The following RAD54B variants were observed in gnomAD, a reference collection of about 807,000 sequenced individuals.
RAD54B encodes the protein DNA repair and recombination protein RAD54B.
A neutral mutation model predicts 95.8 loss-of-function variants in RAD54B; 78 were observed. The observed-to-expected ratio is 0.81, with a 90% CI of 0.68 to 0.98. The LOEUF (loss-of-function observed/expected upper bound fraction) is 0.98. RAD54B is among the 50% of genes least tolerant of loss of function. The pLI is 0.00. For synonymous variants in RAD54B, 328 were observed against 354.9 expected (o/e 0.92, Z 0.85); for missense variants, 957 against 1,056.6 (o/e 0.91, Z 1.31).
intron 1 of RAD54B, among the ~76,000 whole-genome samples, chr8:94,471,787 AG>A (rs1424770789): frequency 6.6e-6 from 1 of 152,038 alleles, no homozygotes; most frequent in Admixed American, 6.5e-5. Context: ...ATCATTAATT[AG>A]ATTTTTTTAA....
intron 3 of RAD54B, among the ~76,000 whole-genome samples, chr8:94,416,773 C>T (rs1252956835): frequency 6.6e-6 from 1 of 151,956 alleles, no homozygotes; most frequent in Non-Finnish European, 1.5e-5. Context: ...ACCCTCATAC[C>T]CTGCTGGTAG....
chr8:94,398,037 T>G (rs901729931), intron 8 of RAD54B, among the ~76,000 whole-genome samples: 21 of 152,132 alleles, frequency 1.4e-4, no homozygotes, highest in Middle Eastern at 3.2e-3. Flanking sequence ...GTATGGTTCC[T>G]ATTTCCCTGA....
At chr8:94,374,477 C>T (rs1288037189) in intron 14 of RAD54B, among the ~76,000 whole-genome samples, 1 of 151,996 alleles carries the variant, frequency 6.6e-6, no homozygotes, top group Middle Eastern at 3.2e-3. Flanking sequence ...TAAATGTTCT[C>T]ACTGAAACAA....
At chr8:94,445,218 G>A (rs1812492049) in intron 3 of RAD54B, among the ~76,000 whole-genome samples, 1 of 151,824 alleles carries the variant, frequency 6.6e-6, no homozygotes, top group South Asian at 2.1e-4. Context: ...AGATCTCTTG[G>A]GCCTATTTTA....
intron 3 of RAD54B, among the ~76,000 whole-genome samples, chr8:94,433,106 C>T (rs1274282802): frequency 6.6e-6 from 1 of 152,086 alleles, no homozygotes; most frequent in East Asian, 1.9e-4. Context: ...ACCATGAAGG[C>T]CCATAACTTA....
Position 94,446,269 on chromosome 8 carries a change from T to C in RAD54B, c.304+11999A>G, listed in dbSNP as rs998462204. Among the ~76,000 whole-genome samples, 4 of 152,310 alleles carry C rather than the reference T, an allele frequency of 2.6e-5. No individual in the cohort carries two copies. In the East Asian group the frequency reaches 7.7e-4, roughly 29 times the overall value. On this transcript the variant is annotated intron_variant, in intron 3 of 14. Coordinates refer to ENST00000336148, the MANE Select transcript of RAD54B (RefSeq NM_012415.3). ...GTACAGTGATTACAGAAATTTTTTC[T>C]GTATTTTAGGAGGTAGTCCAAAAGA...
At chr8:94,428,952 T>C (rs1349541050) in intron 3 of RAD54B, 1 of 983,090 alleles carries the variant, frequency 1.0e-6, no homozygotes, top group Non-Finnish European at 1.2e-6. Context: ...AATAAATAAT[T>C]TTCTTTATAC....
intron 10 of RAD54B, among the ~76,000 whole-genome samples, chr8:94,390,263 G>A (rs540615678): frequency 4.5e-4 from 68 of 152,016 alleles, no homozygotes; most frequent in African/African-American, 1.6e-3. Flanking sequence ...ACTTTGGGAG[G>A]TCGAGGCAGG....
chr8:94,473,282 G>A (rs771836479), intron 1 of RAD54B, among the ~76,000 whole-genome samples: 7 of 152,120 alleles, frequency 4.6e-5, no homozygotes, highest in Non-Finnish European at 1.0e-4. Flanking sequence ...AAGTAAAATG[G>A]TAAGGCCAAG....
chr8:94,440,006 C>T (rs1812362315), intron 3 of RAD54B, among the ~76,000 whole-genome samples: 1 of 152,146 alleles, frequency 6.6e-6, no homozygotes, highest in African/African-American at 2.4e-5. Flanking sequence ...CAAGGGATGG[C>T]TTTGCACGAC....
intron 9 of RAD54B, among the ~76,000 whole-genome samples, chr8:94,392,226 T>C (rs7010671): frequency 0.012 from 1,776 of 152,280 alleles, 42 homozygotes; most frequent in African/African-American, 0.041. Flanking sequence ...TAAAAATGTT[T>C]GTTTCCCATT....
At chr8:94,393,560 T>C in intron 9 of RAD54B, 183 bp downstream of exon 9, 1 of 524,034 alleles carries the variant, frequency 1.9e-6, no homozygotes, top group South Asian at 2.9e-5. Flanking sequence ...GTGAAGTTCC[T>C]ATTCATGAAT....
At chr8:94,443,416 T>A (rs1047700954) in intron 3 of RAD54B, among the ~76,000 whole-genome samples, 4 of 151,872 alleles carry the variant, frequency 2.6e-5, no homozygotes, top group African/African-American at 9.7e-5. Context: ...AGAGTACACA[T>A]CTACCTATGT....
At chr8:94,401,374 A>C (rs1811265867) in intron 6 of RAD54B, among the ~76,000 whole-genome samples, 1 of 152,160 alleles carries the variant, frequency 6.6e-6, no homozygotes, top group African/African-American at 2.4e-5. Context: ...CAACATGATA[A>C]GGATGAAGAG....
chr8:94,467,630 A>G, intron 1 of RAD54B, 75 bp from the exon 2 acceptor site: 2 of 1,423,578 alleles, frequency 1.4e-6, no homozygotes, highest in African/African-American at 2.8e-5. Context: ...ATAGCTCAAA[A>G]CTACAACTAA....
At chr8:94,384,686 T>C (rs925510443) in intron 11 of RAD54B, among the ~76,000 whole-genome samples, 4 of 151,640 alleles carry the variant, frequency 2.6e-5, no homozygotes, top group Admixed American at 6.6e-5. Flanking sequence ...ATTACCACAA[T>C]TTTTTTTTAA....
chr8:94,409,280 C>T (rs1180705185), intron 4 of RAD54B, among the ~76,000 whole-genome samples: 1 of 151,972 alleles, frequency 6.6e-6, no homozygotes, highest in Non-Finnish European at 1.5e-5. Flanking sequence ...CTAAAATATA[C>T]CTATGTTCAG....
intron 3 of RAD54B, among the ~76,000 whole-genome samples, chr8:94,420,203 T>C (rs1233167407): frequency 3.3e-5 from 5 of 151,460 alleles, no homozygotes; most frequent in East Asian, 1.9e-4. Context: ...GATTGTACTC[T>C]AAATCAATAT....
chr8:94,428,110 T>A, intron 3 of RAD54B: 1 of 912,700 alleles, frequency 1.1e-6, no homozygotes. Context: ...ATCCATTACA[T>A]TCATATGGAT....
Sources: gnomAD v4.1 joint callset for allele counts (sites outside exome capture counted in the v4.1 genomes callset) on GRCh38, gnomAD v4.1.1 for gene constraint, MANE v1.5 for transcripts, NCBI Gene and HGNC (gene_info 2026-07-23, HGNC 2026-07-21) for gene names.